FBXL18: variants seen among roughly 807,000 people sequenced by gnomAD.
The protein encoded by FBXL18 is F-box/LRR-repeat protein 18.
A neutral mutation model predicts 46.0 loss-of-function variants in FBXL18; 36 were observed. The observed-to-expected ratio is 0.78, with a 90% CI of 0.60 to 1.03. FBXL18 has a LOEUF of 1.03. Ranked by LOEUF, FBXL18 falls within the 50% of genes least tolerant of loss-of-function variation. FBXL18 has a pLI of 0.00. For synonymous variants in FBXL18, 557 were observed against 465.3 expected (o/e 1.20, Z -2.54); for missense variants, 977 against 1,004.1 (o/e 0.97, Z 0.36).
chr7:5,462,678 G>A (rs1013161582), intron 4 of FBXL18, among the ~76,000 whole-genome samples: 5 of 151,870 alleles, frequency 3.3e-5, no homozygotes, highest in African/African-American at 1.2e-4. Flanking sequence ...TTTGCCAGAT[G>A]CAGTGGCTCA....
chr7:5,465,852 C>T (rs1783333653), intron 4 of FBXL18, among the ~76,000 whole-genome samples: 1 of 149,884 alleles, frequency 6.7e-6, no homozygotes, highest in African/African-American at 2.5e-5. Flanking sequence ...GAGTCTTAGT[C>T]TGTCGCCCAG....
At position 5,501,513 on chromosome 7, in the gene FBXL18, A is replaced by T. The variant is rs1316579787; in HGVS notation, c.756T>A (p.Ala252=). ...TCTGAGGAGTGCGGTCGCTAAGCAC[A>T]GCCAGGTAGAGCCGCACCACCTCCT... ...INQEVVRLYL[A]VLSDRTPQNL... The change falls in exon 3 of 5, where the codon GCT becomes GCA. Residue 252 remains alanine, a synonymous_variant. Coordinates refer to ENST00000382368, the MANE Select transcript of FBXL18 (RefSeq NM_024963.6). 5 of 1,613,778 alleles carry T rather than the reference A, an allele frequency of 3.1e-6. No individual in the cohort carries two copies. The African/African-American group carries it at 6.7e-5, about 22-fold the overall frequency.
intron 4 of FBXL18, among the ~76,000 whole-genome samples, chr7:5,465,120 C>T (rs1783323400): frequency 1.3e-5 from 2 of 152,080 alleles, no homozygotes; most frequent in South Asian, 2.1e-4. Flanking sequence ...AAGATCATAT[C>T]GTATCTAGTT....
intron 4 of FBXL18, among the ~76,000 whole-genome samples, chr7:5,463,746 T>TTTATTTA: frequency 1.2e-5 from 1 of 86,902 alleles, no homozygotes; most frequent in African/African-American, 4.4e-5. Context: ...TTTTTTTTTT[T>TTTATTTA]TTTTTTTTTT....
chr7:5,463,658 T>C (rs1040775484), intron 4 of FBXL18, among the ~76,000 whole-genome samples: 1 of 147,364 alleles, frequency 6.8e-6, no homozygotes, highest in Non-Finnish European at 1.5e-5. Flanking sequence ...ATGGTGGTGA[T>C]GATTGCACAA....
chr7:5,504,124 C>G (rs1002869047), intron 2 of FBXL18, among the ~76,000 whole-genome samples: 2 of 151,276 alleles, frequency 1.3e-5, no homozygotes, highest in African/African-American at 4.9e-5. Flanking sequence ...CACTGAAGAC[C>G]CTCCAGCAGA....
chr7:5,511,437 TA>T (rs1363106011), intron 1 of FBXL18, among the ~76,000 whole-genome samples: 3 of 151,668 alleles, frequency 2.0e-5, no homozygotes, highest in African/African-American at 7.3e-5. Context: ...AAAAAAAATG[TA>T]TTTTTTTTAC....
In FBXL18 at chr7:5,496,386, C is replaced by T. The variant is rs1354207997; in HGVS notation, c.1781+4102G>A. Among the ~76,000 whole-genome samples, 1 of 152,188 alleles carries T rather than the reference C, an allele frequency of 6.6e-6. No homozygotes were observed. Among genetic ancestry groups the T allele is most frequent in the Non-Finnish European group, 1.5e-5 (1 of 68,044 alleles). On this transcript the variant is annotated intron_variant, in intron 3 of 4. Coordinates refer to ENST00000382368, the MANE Select transcript of FBXL18 (RefSeq NM_024963.6). The surrounding 1 kb of genome is among the most constrained non-coding windows in gnomAD (Gnocchi z 4.8). ...GTGCCTCCCTTGCTGACAGCCTCTG[C>T]TCGGTCTCCCTTCCACATTCTTCTT...
At chr7:5,490,702 T>C (rs954598648) in intron 4 of FBXL18, among the ~76,000 whole-genome samples, 8 of 152,218 alleles carry the variant, frequency 5.3e-5, no homozygotes, top group Admixed American at 5.2e-4. Context: ...CGGTGGCTCA[T>C]GCCTGTAATC....
downstream of FBXL18, among the ~76,000 whole-genome samples, chr7:5,471,780 G>A (rs765624820): frequency 1.4e-4 from 22 of 152,318 alleles, 1 homozygote; most frequent in Admixed American, 3.9e-4. Flanking sequence ...AGGGCTCTTC[G>A]CATGTTCTGG....
Position 5,491,355 on chromosome 7 carries a change from C to A in FBXL18, c.1876G>T (p.Gly626Cys). The A allele has an allele frequency of 6.2e-7, 1 of 1,610,494 alleles. No homozygotes were observed. The highest frequency in any genetic ancestry group is 8.5e-7 in the Non-Finnish European group (1 of 1,179,056). The change falls in exon 4 of 5, where the codon GGC becomes TGC. Residue 626 changes from glycine to cysteine, a missense_variant. Transcript: ENST00000382368. ...AGCACGGCATCGGGCTGGAGGGTGC[C>A]GCTGCGAGAGACCAGGCACAGGCGC... ...LQRLCLVSRS[G>C]TLQPDAVLAF...
intron 1 of FBXL18, among the ~76,000 whole-genome samples, chr7:5,511,318 C>T (rs549339830): frequency 5.5e-4 from 83 of 152,248 alleles, no homozygotes; most frequent in Non-Finnish European, 9.0e-4. Context: ...GTGGCTCACG[C>T]CTGTAATCTC....
At chr7:5,462,995 T>TATATATATATAA (rs1309862413) in intron 4 of FBXL18, among the ~76,000 whole-genome samples, 28 of 31,810 alleles carry the variant, frequency 8.8e-4, no homozygotes, top group African/African-American at 2.4e-3. Context: ...TATATATATA[T>TATATATATATAA]AATATATATA....
Position 5,477,706 on chromosome 7 carries a change from A to G in FBXL18, c.*4069T>C, listed in dbSNP as rs567057242. On this transcript the variant is annotated 3_prime_UTR_variant, in exon 5 of 5. Transcript: ENST00000382368. The surrounding 1 kb of genome is among the most constrained non-coding windows in gnomAD (Gnocchi z 4.4). The stretch of plus-strand genomic sequence containing the variant: ...GGGGGACAAAGCAAGACTCCCTCTC[A>G]AAAAAAAAAAAAAGGCTCTGTAATT... The G allele has an allele frequency of 6.2e-3, 884 of 143,576 alleles. 1 individual carries two copies. Among genetic ancestry groups the G allele is most frequent in the South Asian group, 0.017 (79 of 4,576 alleles). The allele number at this position is 143,576 out of a possible 1,614,324, so 8.9% of individuals were successfully genotyped here.
intron 1 of FBXL18, among the ~76,000 whole-genome samples, chr7:5,506,317 C>T (rs760488574): frequency 9.4e-5 from 14 of 148,590 alleles, no homozygotes; most frequent in Non-Finnish European, 1.8e-4. Flanking sequence ...GGCGCAATCT[C>T]GGTTCACTGC....
chr7:5,507,155 G>C (rs1562706921), intron 1 of FBXL18, among the ~76,000 whole-genome samples: 1 of 152,172 alleles, frequency 6.6e-6, no homozygotes, highest in Non-Finnish European at 1.5e-5. Context: ...GCTCCAGCCT[G>C]CTCCTGCTTC....
chr7:5,508,608 CA>C (rs553020796), intron 1 of FBXL18, among the ~76,000 whole-genome samples: 274 of 135,582 alleles, frequency 2.0e-3, no homozygotes, highest in Admixed American at 1.9e-3. Context: ...GACCTTGTCT[CA>C]AAAAAAAAAA....
At chr7:5,456,325 C>A (rs1562668922) in intron 4 of FBXL18, among the ~76,000 whole-genome samples, 1 of 152,214 alleles carries the variant, frequency 6.6e-6, no homozygotes, top group Non-Finnish European at 1.5e-5. Flanking sequence ...TTCCACTTCA[C>A]CCCTTCCCAA....
In FBXL18 at chr7:5,513,757, C is replaced by T. The variant is rs1024924999; in HGVS notation, c.-83G>A. The T allele has an allele frequency of 7.8e-6, 12 of 1,531,656 alleles. No individual in the cohort carries two copies. The highest frequency in any genetic ancestry group is 2.0e-5 in the Admixed American group (1 of 50,610). The allele number at this position is 1,531,656 out of a possible 1,614,324, so 94.9% of individuals were successfully genotyped here. On this transcript the variant is annotated 5_prime_UTR_variant, in exon 1 of 5. Coordinates refer to ENST00000382368, the MANE Select transcript of FBXL18 (RefSeq NM_024963.6). ...CCCGGCTAGGGATGCTCGAAGCCGGCGCGTCCACCGCTCAACCGAGACCCC... is the reference window on the plus strand; with the variant it reads ...CCCGGCTAGGGATGCTCGAAGCCGGTGCGTCCACCGCTCAACCGAGACCCC...
Sources: allele counts gnomAD v4.1 joint callset (sites outside exome capture counted in the v4.1 genomes callset), GRCh38; gene constraint gnomAD v4.1.1; non-coding constraint Gnocchi (gnomAD v3.1); transcripts MANE v1.5; gene names NCBI Gene and HGNC (gene_info 2026-07-23, HGNC 2026-07-21).